GPC5: variants seen among roughly 807,000 people sequenced by gnomAD.
GPC5 encodes glypican-5.
A neutral mutation model predicts 53.9 loss-of-function variants in GPC5; 47 were observed. The observed-to-expected ratio is 0.87, with a 90% CI of 0.69 to 1.11. GPC5 has a LOEUF of 1.11. Among genes scored for constraint, GPC5 ranks in the 50% most tolerant of loss-of-function variants. The pLI, the probability that GPC5 is intolerant of heterozygous loss-of-function variation, is 0.00. For synonymous variants in GPC5, 286 were observed against 263.3 expected, an observed-to-expected ratio of 1.09 and a Z score of -0.84; for missense variants, 748 against 713.1, an observed-to-expected ratio of 1.05 and a Z score of -0.56.
At chr13:91,542,649 C>T (rs1027899340) in intron 2 of GPC5, among the ~76,000 whole-genome samples, 5 of 151,984 alleles carry the variant, frequency 3.3e-5, no homozygotes, top group Admixed American at 6.6e-5. Flanking sequence ...GTGTTCCATC[C>T]GGAAAGTGTG....
intron 2 of GPC5, among the ~76,000 whole-genome samples, chr13:91,520,713 T>C (rs1463370181): frequency 1.3e-5 from 2 of 150,296 alleles, no homozygotes; most frequent in Non-Finnish European, 2.9e-5. Context: ...TATATGTGTG[T>C]GTGTGTATGT....
chr13:92,698,062 G>T lies in GPC5; in HGVS notation c.1562-168220G>T, dbSNP rs187904947. On this transcript the variant is annotated intron_variant, in intron 7 of 7. Transcript: ENST00000377067. The stretch of plus-strand genomic sequence containing the variant: ...CAGGGACGAAGCTGACTTGATCATG[G>T]TGGATAAGCTTTTTGATGTGCTGCT... Among the ~76,000 whole-genome samples, 240 of 152,276 alleles carry T rather than the reference G, an allele frequency of 1.6e-3. 1 individual carries two copies. The highest frequency in any genetic ancestry group is 0.01 in the Middle Eastern group (3 of 294).
chr13:91,562,136 T>TC (rs2031294905), intron 2 of GPC5, among the ~76,000 whole-genome samples: 1 of 145,048 alleles, frequency 6.9e-6, no homozygotes, highest in African/African-American at 2.6e-5. Context: ...CGGGAGTTAT[T>TC]CCCTCACCCC....
intron 7 of GPC5, among the ~76,000 whole-genome samples, chr13:92,650,613 C>T (rs1395896423): frequency 6.6e-6 from 1 of 152,016 alleles, no homozygotes; most frequent in Admixed American, 6.6e-5. Flanking sequence ...AGAGCTCATG[C>T]TTGAATAGTT....
Position 92,460,056 on chromosome 13 carries a change from G to C in GPC5, c.1561+315067G>C, listed in dbSNP as rs140802683. Among the ~76,000 whole-genome samples the C allele has an allele frequency of 9.9e-5, 15 of 151,414 alleles. No individual in the cohort carries two copies. The East Asian group carries it at 1.4e-3, about 14-fold the overall frequency. On this transcript the variant is annotated intron_variant, in intron 7 of 7. Transcript: ENST00000377067. ...GTCCTTCAAGGAGAAGTATTGTTAT[G>C]TAATTATTTATTATGACTAAACAAT...
chr13:92,250,614 G>A (rs149395346), intron 7 of GPC5, among the ~76,000 whole-genome samples: 3,157 of 152,158 alleles, frequency 0.021, 96 homozygotes, highest in African/African-American at 0.072. Context: ...CTTGACCGCC[G>A]CTGCTGTGGT....
chr13:91,418,821 G>A (rs1356068181), intron 1 of GPC5, among the ~76,000 whole-genome samples: 1 of 151,974 alleles, frequency 6.6e-6, no homozygotes, highest in African/African-American at 2.4e-5. Flanking sequence ...GTACCAACAG[G>A]AATAAGTGGA....
chr13:91,958,832 G>T (rs968004685), intron 6 of GPC5, among the ~76,000 whole-genome samples: 5 of 151,884 alleles, frequency 3.3e-5, no homozygotes, highest in Admixed American at 1.3e-4. Context: ...TGAAACAAAT[G>T]AAAACCTAAA....
At chr13:91,538,144 G>C (rs1057292747) in intron 2 of GPC5, among the ~76,000 whole-genome samples, 7 of 152,190 alleles carry the variant, frequency 4.6e-5, no homozygotes, top group Non-Finnish European at 8.8e-5. Flanking sequence ...TTAGAGGTAT[G>C]ACTTTTGGAT....
At chr13:92,728,748 A>G (rs1888717374) in intron 7 of GPC5, among the ~76,000 whole-genome samples, 1 of 151,408 alleles carries the variant, frequency 6.6e-6, no homozygotes, top group Non-Finnish European at 1.5e-5. Flanking sequence ...TTCTGTATGA[A>G]TCTAAATTTC....
chr13:92,042,440 T>C (rs1325696805), intron 6 of GPC5, among the ~76,000 whole-genome samples: 9 of 151,906 alleles, frequency 5.9e-5, no homozygotes, highest in Non-Finnish European at 1.2e-4. Flanking sequence ...AAGTGGAATG[T>C]GATAACTCAG....
At chr13:91,732,346 G>A (rs1053817989) in intron 4 of GPC5, among the ~76,000 whole-genome samples, 4 of 150,780 alleles carry the variant, frequency 2.7e-5, no homozygotes, top group African/African-American at 4.9e-5. Context: ...TGAAAATGTC[G>A]GTTCATATCC....
chr13:91,935,497 T>A (rs1183239055), intron 6 of GPC5, among the ~76,000 whole-genome samples: 1 of 151,962 alleles, frequency 6.6e-6, no homozygotes, highest in Non-Finnish European at 1.5e-5. Context: ...AAATATTGAA[T>A]CTGCTGGTAC....
intron 2 of GPC5, among the ~76,000 whole-genome samples, chr13:91,505,259 T>C (rs1209961022): frequency 1.3e-5 from 2 of 152,096 alleles, no homozygotes; most frequent in African/African-American, 2.4e-5. Flanking sequence ...GTTAAAATAG[T>C]ATAGCACAGG....
chr13:92,742,533 C>A (rs950732755), intron 7 of GPC5, among the ~76,000 whole-genome samples: 47 of 146,604 alleles, frequency 3.2e-4, no homozygotes, highest in African/African-American at 8.6e-4. Flanking sequence ...TTGTAGGTTG[C>A]CTGTTCACTC....
At chr13:92,122,273 CG>C (rs2041655936) in intron 6 of GPC5, among the ~76,000 whole-genome samples, 1 of 118,048 alleles carries the variant, frequency 8.5e-6, no homozygotes, top group African/African-American at 3.3e-5. Context: ...TAAAACACAG[CG>C]CTTTTTTTTT....
chr13:91,509,704 T>G (rs1418489894), intron 2 of GPC5, among the ~76,000 whole-genome samples: 1 of 152,230 alleles, frequency 6.6e-6, no homozygotes, highest in East Asian at 1.9e-4. Flanking sequence ...AAAGCCATTT[T>G]AGTCACATGG....
At chr13:91,922,926 G>A (rs1027266967) in intron 6 of GPC5, among the ~76,000 whole-genome samples, 1 of 151,984 alleles carries the variant, frequency 6.6e-6, no homozygotes, top group Non-Finnish European at 1.5e-5. Context: ...CTTTTTCTGG[G>A]TGTTAACTTA....
chr13:91,523,545 A>G (rs1425856972), intron 2 of GPC5, among the ~76,000 whole-genome samples: 1 of 152,226 alleles, frequency 6.6e-6, no homozygotes, highest in Non-Finnish European at 1.5e-5. Flanking sequence ...AGCAGAGAAT[A>G]TAATAATGGA....
Sources: gnomAD v4.1 joint callset for allele counts (sites outside exome capture counted in the v4.1 genomes callset) on GRCh38, gnomAD v4.1.1 for gene constraint, MANE v1.5 for transcripts, NCBI Gene and HGNC (gene_info 2026-07-23, HGNC 2026-07-21) for gene names.